The following TUT7 variants were observed in gnomAD, a reference collection of about 807,000 sequenced individuals.
TUT7 encodes the protein terminal uridylyl transferase 7.
A neutral mutation model predicts 165.9 loss-of-function variants in TUT7; 33 were observed. The ratio of observed to expected loss-of-function variants is 0.20; its 90% confidence interval spans 0.15 to 0.27. The LOEUF (loss-of-function observed/expected upper bound fraction) is 0.27. Ranked by LOEUF, TUT7 falls within the 10% of genes least tolerant of loss-of-function variation. TUT7 has a pLI of 1.00. For synonymous variants in TUT7, 552 were observed against 608.1 expected (o/e 0.91, Z 1.36); for missense variants, 1,338 against 1,762.3 (o/e 0.76, Z 4.31).
At chr9:86,349,394 T>C (rs1317470631) in intron 2 of TUT7, among the ~76,000 whole-genome samples, 1 of 152,188 alleles carries the variant, frequency 6.6e-6, no homozygotes, top group Non-Finnish European at 1.5e-5. Flanking sequence ...AAGTTTCCCA[T>C]ATTTTATTTG....
intron 19 of TUT7, 131 bp downstream of exon 19, chr9:86,309,797 T>C (rs1827855830): frequency 9.0e-6 from 9 of 999,512 alleles, no homozygotes; most frequent in Non-Finnish European, 1.3e-5. Context: ...GCTTTCTTCA[T>C]AGGGTCTCCC....
At position 86,322,879 on chromosome 9, in the gene TUT7, T is replaced by C; in HGVS notation, c.2871A>G (p.Lys957=). ...TAGTGGTGGTACTGATTACCTTGCC[T>C]TTGGTGAAGATAAGTTTACTGAATT... The part of the protein sequence containing the change: ...FYEFSKLIFT[K]GKSPTVVCSL... Residue 957 remains lysine (K), a synonymous_variant, in exon 13 of 27, where the codon AAA becomes AAG. Coordinates refer to ENST00000375963, the MANE Select transcript of TUT7 (RefSeq NM_024617.4). 6.3e-7 allele frequency: 1 copy of C among 1,593,080 alleles called. No individual in the cohort carries two copies. The highest frequency in any genetic ancestry group is 8.5e-7 in the Non-Finnish European group (1 of 1,171,232).
chr9:86,348,061 ATTAG>A (rs1204239264), intron 2 of TUT7, among the ~76,000 whole-genome samples: 3 of 152,208 alleles, frequency 2.0e-5, no homozygotes, highest in Non-Finnish European at 2.9e-5. Flanking sequence ...AAAAGCCCCT[ATTAG>A]TTCACAAGCC....
chr9:86,343,908 G>A (rs752006522), intron 5 of TUT7, among the ~76,000 whole-genome samples: 1 of 151,980 alleles, frequency 6.6e-6, no homozygotes, highest in Non-Finnish European at 1.5e-5. Context: ...GTTTGTTTAA[G>A]GTTTGCTAAA....
chr9:86,297,124 C>A (rs1018822051), intron 26 of TUT7, among the ~76,000 whole-genome samples: 4 of 152,128 alleles, frequency 2.6e-5, no homozygotes, highest in African/African-American at 7.2e-5. Flanking sequence ...TCGTAACTTA[C>A]TGTCAATGCT....
At chr9:86,352,421 CAG>C (rs1320161524) in intron 2 of TUT7, 2 of 551,694 alleles carry the variant, frequency 3.6e-6, no homozygotes, top group African/African-American at 3.8e-5. Flanking sequence ...AAACACGTTA[CAG>C]AAAACATGTT....
intron 18 of TUT7, 54 bp from the exon 19 acceptor site, chr9:86,310,071 T>C: frequency 1.4e-6 from 1 of 702,156 alleles, no homozygotes; most frequent in East Asian, 3.9e-5. Flanking sequence ...AAAGGGTCTC[T>C]TTTTTTTTTT....
At chr9:86,350,001 T>C (rs1052506499) in intron 2 of TUT7, among the ~76,000 whole-genome samples, 1 of 152,204 alleles carries the variant, frequency 6.6e-6, no homozygotes, top group African/African-American at 2.4e-5. Flanking sequence ...CCTTTTAATG[T>C]CTAGTTGCAA....
rs546748590 is a variant in TUT7, at chr9:86,311,894, T to C, written c.3275-1085A>G. 2.6e-5 allele frequency among the ~76,000 whole-genome samples: 4 copies of C among 152,206 alleles called. No homozygotes were observed. The highest frequency in any genetic ancestry group is 4.4e-5 in the Non-Finnish European group (3 of 68,028). On this transcript the variant is annotated intron_variant, in intron 17 of 26. Coordinates refer to ENST00000375963, the MANE Select transcript of TUT7 (RefSeq NM_024617.4). The surrounding 1 kb of genome is among the most constrained non-coding windows in gnomAD (Gnocchi z 4.4). ...GCCTTGGCCTCCGGAGGTGCCGGGATTGCAGACGGAGTCTCGTTCACTCAG... is the reference window on the plus strand; with the variant it reads ...GCCTTGGCCTCCGGAGGTGCCGGGACTGCAGACGGAGTCTCGTTCACTCAG...
intron 17 of TUT7, 69 bp from the exon 18 acceptor site, chr9:86,310,878 G>A (rs1348235750): frequency 5.6e-6 from 5 of 889,458 alleles, no homozygotes; most frequent in Admixed American, 1.9e-5. Flanking sequence ...TTATGTTAAT[G>A]TTCCAATATA....
At chr9:86,305,815 T>C (rs1309970073) in intron 22 of TUT7, among the ~76,000 whole-genome samples, 1 of 152,156 alleles carries the variant, frequency 6.6e-6, no homozygotes, top group East Asian at 1.9e-4. Context: ...GATCTTGGGA[T>C]ACAATTTCTA....
At chr9:86,310,658 A>G in intron 18 of TUT7, 48 bp downstream of exon 18, 3 of 1,030,616 alleles carry the variant, frequency 2.9e-6, no homozygotes, top group Non-Finnish European at 4.5e-6. Flanking sequence ...AAGGTGAGAC[A>G]TTTGTTCCCT....
intron 2 of TUT7, among the ~76,000 whole-genome samples, chr9:86,348,277 A>G (rs1831949550): frequency 6.6e-6 from 1 of 152,222 alleles, no homozygotes; most frequent in Non-Finnish European, 1.5e-5. Context: ...AGCTACCATG[A>G]TGGTGTATCT....
At position 86,345,517 on chromosome 9, in the gene TUT7, T is replaced by C. The variant is rs148837282; in HGVS notation, c.819+152A>G. The C allele has an allele frequency of 2.4e-5, 15 of 618,270 alleles. 1 individual carries two copies. The highest frequency in any genetic ancestry group is 4.2e-5 in the Non-Finnish European group (15 of 358,402). The allele number at this position is 618,270 out of a possible 1,614,324, so 38.3% of individuals were successfully genotyped here. On this transcript the variant is annotated intron_variant, in intron 4 of 26. Transcript: ENST00000375963. ...ACAAGATTAACCAGTAAAATACATC[T>C]GACCAGTATTATGTATTTTGGCTCA...
chr9:86,325,282 G>A, intron 12 of TUT7, 52 bp downstream of exon 12: 1 of 1,553,744 alleles, frequency 6.4e-7, no homozygotes, highest in Non-Finnish European at 8.8e-7. Flanking sequence ...CTGTTAGACT[G>A]GTACCTTTAA....
rs943677025 is a variant in TUT7, at chr9:86,311,754, C to T, written c.3275-945G>A. Among the ~76,000 whole-genome samples the T allele has an allele frequency of 6.6e-6, 1 of 151,818 alleles. No homozygotes were observed. Among genetic ancestry groups the T allele is most frequent in the Non-Finnish European group, 1.5e-5 (1 of 67,964 alleles). The stretch of plus-strand genomic sequence containing the variant: ...CCTGCCTCAGCCTGCCGAGTGCCTG[C>T]GATTGCAGGTGCGCGCCGCCACGCC... On this transcript the variant is annotated intron_variant, in intron 17 of 26. Transcript: ENST00000375963. The surrounding 1 kb of genome is among the most constrained non-coding windows in gnomAD (Gnocchi z 4.4).
intron 5 of TUT7, 123 bp downstream of exon 5, chr9:86,344,854 T>A: frequency 1.0e-6 from 1 of 993,342 alleles, no homozygotes. Context: ...AACAAAAAAA[T>A]AGAAAACACA....
intron 26 of TUT7, 85 bp downstream of exon 26, chr9:86,301,191 G>A: frequency 8.3e-7 from 1 of 1,203,996 alleles, no homozygotes; most frequent in South Asian, 1.5e-5. Context: ...AAGAAATAAA[G>A]ATAACTAAAA....
chr9:86,296,899 G>C (rs1826376000), intron 26 of TUT7, among the ~76,000 whole-genome samples: 1 of 152,152 alleles, frequency 6.6e-6, no homozygotes, highest in African/African-American at 2.4e-5. Flanking sequence ...AAACTAGACA[G>C]TTATATCATC....
Sources: gnomAD v4.1 joint callset for allele counts (sites outside exome capture counted in the v4.1 genomes callset) on GRCh38, gnomAD v4.1.1 for gene constraint, Gnocchi (gnomAD v3.1) non-coding constraint, MANE v1.5 for transcripts, NCBI Gene and HGNC (gene_info 2026-07-23, HGNC 2026-07-21) for gene names.